The following TSC22D2 variants were observed in gnomAD, a reference collection of about 807,000 sequenced individuals.
TSC22D2 encodes TSC22 domain family member 2, also known as TSC22 domain family protein 2.
Under a neutral mutation model 50.1 loss-of-function variants are expected in TSC22D2, and 5 were observed. The observed-to-expected ratio is 0.10, with a 90% CI of 0.05 to 0.21. The LOEUF (loss-of-function observed/expected upper bound fraction) is 0.21, where lower values mean the gene tolerates loss of function less well. Among genes scored for constraint, TSC22D2 ranks in the 10% least tolerant of loss-of-function variants. The probability of loss-of-function intolerance (pLI) is 1.00; values close to 1 mark genes in which losing one functional copy is unlikely to be tolerated. For missense variants in TSC22D2, 1,003 were observed against 1,015.5 expected (o/e 0.99, Z 0.17); for synonymous variants, 501 against 450.1 (o/e 1.11, Z -1.43).
In TSC22D2 at chr3:150,459,572, G is replaced by GTTTTTTTTTTTTGTT. The variant is rs1721310932; in HGVS notation, c.*948_*949insGTTTTTTTTTTTTTT. 2.9e-4 allele frequency: 33 copies of GTTTTTTTTTTTTGTT among 115,518 alleles called. No individual in the cohort carries two copies. The highest frequency in any genetic ancestry group is 5.5e-4 in the East Asian group (2 of 3,642). The allele number at this position is 115,518 out of a possible 1,614,324, so 7.2% of individuals were successfully genotyped here. ...TAATGGAGTTTGGTTTTTTTTTGTT[G>GTTTTTTTTTTTTGTT]TTTTTTTTTTTTTGTCTTTTTTTTT... On this transcript the variant is annotated 3_prime_UTR_variant, in exon 3 of 3. Transcript: ENST00000688009.
chr3:150,422,745 A>G (rs1202404427), intron 1 of TSC22D2, among the ~76,000 whole-genome samples: 3 of 152,226 alleles, frequency 2.0e-5, no homozygotes, highest in Non-Finnish European at 4.4e-5. Context: ...TGATTAGGCT[A>G]TGAATTTGTC....
Position 150,409,985 on chromosome 3 carries a change from C to T in TSC22D2, c.635C>T (p.Ala212Val), listed in dbSNP as rs1301108156. ...IRHSSTFDQTAERDSGLGATG... is the reference protein window; with the variant it reads ...IRHSSTFDQTVERDSGLGATG... Reference sequence around the variant, plus strand: ...CACAGCAGTACTTTTGACCAGACTGCGGAGCGGGACAGCGGCCTGGGCGCC... The same window carrying T: ...CACAGCAGTACTTTTGACCAGACTGTGGAGCGGGACAGCGGCCTGGGCGCC... The change falls in exon 1 of 3, where the codon GCG becomes GTG. Residue 212 changes from alanine (A) to valine (V), a missense_variant. Transcript: ENST00000688009. The surrounding 1 kb of genome is among the most constrained non-coding windows in gnomAD (Gnocchi z 7.4). The T allele has an allele frequency of 2.5e-6, 4 of 1,613,788 alleles. No individual in the cohort carries two copies. Among genetic ancestry groups the T allele is most frequent in the Non-Finnish European group, 3.4e-6 (4 of 1,180,036 alleles).
chr3:150,436,692 T>C (rs1720557959), intron 1 of TSC22D2, among the ~76,000 whole-genome samples: 1 of 152,230 alleles, frequency 6.6e-6, no homozygotes, highest in African/African-American at 2.4e-5. Flanking sequence ...GATTACATTA[T>C]AAAGCTGTGC....
At chr3:150,429,238 G>A (rs140899861) in intron 1 of TSC22D2, among the ~76,000 whole-genome samples, 1 of 152,234 alleles carries the variant, frequency 6.6e-6, no homozygotes, top group East Asian at 1.9e-4. Flanking sequence ...ATTTGGAAAT[G>A]AGAATTGCCA....
intron 1 of TSC22D2, 75 bp downstream of exon 1, chr3:150,411,383 G>GC: frequency 7.5e-7 from 1 of 1,335,530 alleles, no homozygotes; most frequent in Non-Finnish European, 1.0e-6. Context: ...AACTTTGGGA[G>GC]ATTGTTGTCA....
intron 1 of TSC22D2, among the ~76,000 whole-genome samples, chr3:150,433,524 A>G (rs1720443293): frequency 6.6e-6 from 1 of 152,180 alleles, no homozygotes; most frequent in Non-Finnish European, 1.5e-5. Flanking sequence ...CCCTAGTCCT[A>G]CACAGTATCG....
chr3:150,419,672 C>G (rs1719941025), intron 1 of TSC22D2, among the ~76,000 whole-genome samples: 1 of 151,986 alleles, frequency 6.6e-6, no homozygotes, highest in South Asian at 2.1e-4. Flanking sequence ...TAGTGTCTTG[C>G]AAAAACAGGT....
In TSC22D2 at chr3:150,457,235, C is replaced by T. The variant is rs1721218625; in HGVS notation, c.2010+108C>T. The T allele has an allele frequency of 6.9e-6, 7 of 1,013,904 alleles. No individual in the cohort carries two copies. The South Asian group carries it at 1.0e-4, about 15-fold the overall frequency. The allele number at this position is 1,013,904 out of a possible 1,614,324, so 62.8% of individuals were successfully genotyped here. On this transcript the variant is annotated intron_variant, in intron 2 of 2. Coordinates refer to ENST00000688009, the MANE Select transcript of TSC22D2 (RefSeq NM_001303264.2). Reference sequence around the variant, plus strand: ...ATAAGTTATTTAAACCAAAGATGACCAAATCATGTTTTTTGATAATGAGAT... The same window carrying T: ...ATAAGTTATTTAAACCAAAGATGACTAAATCATGTTTTTTGATAATGAGAT...
At position 150,462,957 on chromosome 3, in the gene TSC22D2, C is replaced by T. The variant is rs1001367594; in HGVS notation, c.*4321C>T. 3.3e-5 allele frequency: 5 copies of T among 152,062 alleles called. No individual in the cohort carries two copies. Among genetic ancestry groups the T allele is most frequent in the Admixed American group, 6.6e-5 (1 of 15,264 alleles). The allele number at this position is 152,062 out of a possible 1,614,324, so 9.4% of individuals were successfully genotyped here. A position where few individuals can be genotyped will look rare whatever the true frequency, so the allele number is the denominator to read the frequency against. On this transcript the variant is annotated 3_prime_UTR_variant, in exon 3 of 3. Transcript: ENST00000688009. Reference sequence around the variant, plus strand: ...CCCAGCTGCCTATTTTCTTGTCCCTCCAAAAAAAGATTAAAGAGTCCCAAC... The same window carrying T: ...CCCAGCTGCCTATTTTCTTGTCCCTTCAAAAAAAGATTAAAGAGTCCCAAC...
chr3:150,439,777 A>G (rs1471009267), intron 1 of TSC22D2, among the ~76,000 whole-genome samples: 1 of 152,212 alleles, frequency 6.6e-6, no homozygotes, highest in African/African-American at 2.4e-5. Context: ...TTAGACACCT[A>G]AGTATGAGTC....
At chr3:150,444,701 T>C (rs1720823544) in intron 1 of TSC22D2, among the ~76,000 whole-genome samples, 1 of 152,230 alleles carries the variant, frequency 6.6e-6, no homozygotes, top group South Asian at 2.1e-4. Flanking sequence ...ATTAGAATTA[T>C]TACCTAAAAG....
At chr3:150,420,110 TTTCCTTGGGCTCTTAATC>T (rs1719955740) in intron 1 of TSC22D2, among the ~76,000 whole-genome samples, 1 of 152,148 alleles carries the variant, frequency 6.6e-6, no homozygotes, top group African/African-American at 2.4e-5. Flanking sequence ...TTAACAGCCT[TTTCCTTGGGCTCTTAATC>T]TCCTCAATTT....
chr3:150,433,404 G>A (rs1720440575), intron 1 of TSC22D2, among the ~76,000 whole-genome samples: 1 of 152,210 alleles, frequency 6.6e-6, no homozygotes, highest in South Asian at 2.1e-4. Context: ...ATCCATAGTA[G>A]CTACGTATTT....
chr3:150,445,295 A>G (rs1390994916), intron 1 of TSC22D2, among the ~76,000 whole-genome samples: 2 of 147,838 alleles, frequency 1.4e-5, no homozygotes, highest in East Asian at 2.0e-4. Flanking sequence ...CCTGGGTGAC[A>G]AGAGCAAGAC....
At chr3:150,446,093 CAA>C (rs34550896) in intron 1 of TSC22D2, among the ~76,000 whole-genome samples, 15,038 of 103,944 alleles carry the variant, frequency 0.14, 862 homozygotes, top group East Asian at 0.38. Flanking sequence ...GACTCCATCT[CAA>C]AAAAAAAAAA....
chr3:150,409,288 C>G lies in TSC22D2; in HGVS notation c.-63C>G. Reference sequence around the variant, plus strand: ...TCTTTGGGGGCCCGTGCTCTGCCCTCCCCGGTTTCCGACAGGACCCAGAGG... The same window carrying G: ...TCTTTGGGGGCCCGTGCTCTGCCCTGCCCGGTTTCCGACAGGACCCAGAGG... On this transcript the variant is annotated 5_prime_UTR_variant, in exon 1 of 3. Coordinates refer to ENST00000688009, the MANE Select transcript of TSC22D2 (RefSeq NM_001303264.2). The surrounding 1 kb of genome is among the most constrained non-coding windows in gnomAD (Gnocchi z 7.4). 6.6e-7 allele frequency: 1 copy of G among 1,518,990 alleles called. No individual in the cohort carries two copies. Among genetic ancestry groups the G allele is most frequent in the Non-Finnish European group, 8.8e-7 (1 of 1,130,768 alleles). The allele number at this position is 1,518,990 out of a possible 1,614,324, so 94.1% of individuals were successfully genotyped here.
intron 1 of TSC22D2, among the ~76,000 whole-genome samples, chr3:150,428,901 A>G (rs774737773): frequency 6.6e-6 from 1 of 152,180 alleles, no homozygotes; most frequent in Admixed American, 6.5e-5. Flanking sequence ...TAATACAACT[A>G]TCTTCCTGTC....
chr3:150,409,078 C>G lies in TSC22D2; in HGVS notation c.-273C>G, dbSNP rs531486549. The G allele has an allele frequency of 4.6e-5, 16 of 346,838 alleles. No individual in the cohort carries two copies. In the South Asian group the frequency reaches 1.0e-3, roughly 22 times the overall value. 21.5% of individuals were successfully genotyped at this position (346,838 alleles called of 1,614,324 possible). On this transcript the variant is annotated 5_prime_UTR_variant, in exon 1 of 3. Transcript: ENST00000688009. The surrounding 1 kb of genome is among the most constrained non-coding windows in gnomAD (Gnocchi z 7.4). The stretch of plus-strand genomic sequence containing the variant: ...CCTCTGAGGGAATTGAATTGAGGCG[C>G]CGCGGCTGCGAGAGCTAAAAAGGAA...
chr3:150,410,997 G>GAGC lies in TSC22D2; in HGVS notation c.1655_1657dup (p.Ser552dup). 1.2e-6 allele frequency: 2 copies of GAGC among 1,614,232 alleles called. No individual in the cohort carries two copies. Among genetic ancestry groups the GAGC allele is most frequent in the Middle Eastern group, 3.3e-4 (2 of 6,062 alleles). ...TGAGCAGCCATACGCCAGTCAGCAG[G>GAGC]AGCAGCAGCATAATCCAGCATGTTG... On this transcript the variant is annotated inframe_insertion, in exon 1 of 3. Transcript: ENST00000688009.
Sources: gnomAD v4.1 joint callset for allele counts (sites outside exome capture counted in the v4.1 genomes callset) on GRCh38, gnomAD v4.1.1 for gene constraint, Gnocchi (gnomAD v3.1) non-coding constraint, MANE v1.5 for transcripts, NCBI Gene and HGNC (gene_info 2026-07-23, HGNC 2026-07-21) for gene names.